The following DPP10 variants were observed in gnomAD, a reference collection of about 807,000 sequenced individuals.
DPP10 encodes inactive dipeptidyl peptidase 10.
DPP10 carries 33 observed loss-of-function variants against 120.9 expected under a neutral mutation model. The ratio of observed to expected loss-of-function variants is 0.27; its 90% CI spans 0.21 to 0.37. The LOEUF is 0.37. DPP10 is among the 10% of genes least tolerant of loss of function. The probability of loss-of-function intolerance (pLI) is 1.00; values close to 1 mark genes in which losing one functional copy is unlikely to be tolerated. For missense variants in DPP10, 816 were observed against 942.8 expected, an observed-to-expected ratio of 0.87 and a Z score of 1.76; for synonymous variants, 337 against 326.1, an observed-to-expected ratio of 1.03 and a Z score of -0.36.
At chr2:115,419,514 G>T (rs1448128650) in intron 3 of DPP10, among the ~76,000 whole-genome samples, 2 of 152,024 alleles carry the variant, frequency 1.3e-5, no homozygotes, top group Non-Finnish European at 2.9e-5. Context: ...ACTCTTTACT[G>T]CAGGGAAGGC....
chr2:115,831,284 A>C (rs1162965293), intron 21 of DPP10, among the ~76,000 whole-genome samples: 2 of 152,118 alleles, frequency 1.3e-5, no homozygotes, highest in African/African-American at 4.8e-5. Flanking sequence ...AGTCTTACTC[A>C]GTCGCCCAGG....
chr2:114,908,540 AG>A (rs1219823091), intron 1 of DPP10, among the ~76,000 whole-genome samples: 4 of 151,876 alleles, frequency 2.6e-5, no homozygotes, highest in Admixed American at 2.0e-4. Flanking sequence ...AATTCCAGTG[AG>A]CTGGATGAGT....
intron 1 of DPP10, among the ~76,000 whole-genome samples, chr2:114,662,436 A>G (rs1697493826): frequency 6.6e-6 from 1 of 152,182 alleles, no homozygotes; most frequent in African/African-American, 2.4e-5. Context: ...GAGTCCGCGG[A>G]GCGGGACGCC....
At chr2:115,221,183 G>T (rs1451973570) in intron 1 of DPP10, among the ~76,000 whole-genome samples, 1 of 151,998 alleles carries the variant, frequency 6.6e-6, no homozygotes, top group African/African-American at 2.4e-5. Context: ...AAGAAATTAA[G>T]ATTTTTTTCT....
intron 5 of DPP10, among the ~76,000 whole-genome samples, chr2:115,646,108 G>GCA (rs71394157): frequency 0.018 from 2,660 of 150,678 alleles, 27 homozygotes; most frequent in East Asian, 0.03. Flanking sequence ...GTGCGTGCGC[G>GCA]CACACACACA....
At chr2:114,985,106 C>G (rs1392998529) in intron 1 of DPP10, among the ~76,000 whole-genome samples, 1 of 152,216 alleles carries the variant, frequency 6.6e-6, no homozygotes, top group Non-Finnish European at 1.5e-5. Context: ...TTCTGCCTTT[C>G]TCTAACTCCA....
intron 3 of DPP10, among the ~76,000 whole-genome samples, chr2:115,499,143 G>A (rs1231441133): frequency 2.0e-5 from 3 of 152,096 alleles, no homozygotes; most frequent in African/African-American, 7.2e-5. Context: ...GCACTTTTAA[G>A]TTAAAATACT....
chr2:115,457,202 A>G (rs182613838), intron 3 of DPP10, among the ~76,000 whole-genome samples: 28 of 152,176 alleles, frequency 1.8e-4, no homozygotes, highest in Admixed American at 8.5e-4. Context: ...TGATAGGAAA[A>G]TTATATATCC....
chr2:114,537,659 A>G (rs1032187430), intron 1 of DPP10, among the ~76,000 whole-genome samples: 1 of 152,184 alleles, frequency 6.6e-6, no homozygotes, highest in African/African-American at 2.4e-5. Context: ...ATTCACTTCT[A>G]TTCCATCCCA....
intron 13 of DPP10, among the ~76,000 whole-genome samples, chr2:115,770,681 TAGCTAACAAAA>T (rs1449819012): frequency 1.3e-5 from 2 of 152,072 alleles, no homozygotes; most frequent in Non-Finnish European, 2.9e-5. Flanking sequence ...AATTTAAAAA[TAGCTAACAAAA>T]AAGCTATTTA....
chr2:115,513,497 G>A lies in DPP10; in HGVS notation c.367-12401G>A, dbSNP rs559568690. On this transcript the variant is annotated intron_variant, in intron 4 of 25. Coordinates refer to ENST00000410059, the MANE Select transcript of DPP10 (RefSeq NM_020868.6). ...ACTCCTTTTTTGTTAGATATTTTCT[G>A]CTGTATCTTTTATATTTGCTATTGT... 1.1e-4 allele frequency among the ~76,000 whole-genome samples: 16 copies of A among 151,578 alleles called. No homozygotes were observed. In the East Asian group the frequency reaches 3.1e-3, roughly 30 times the overall value.
At chr2:114,811,113 C>G (rs1232276142) in intron 1 of DPP10, among the ~76,000 whole-genome samples, 1 of 152,160 alleles carries the variant, frequency 6.6e-6, no homozygotes, top group East Asian at 1.9e-4. Flanking sequence ...CTGGAGTAAA[C>G]TTTCACAGGA....
chr2:115,840,318 G>GTTTTTTTTTTT (rs1559227733), intron 24 of DPP10, among the ~76,000 whole-genome samples: 15 of 31,884 alleles, frequency 4.7e-4, no homozygotes, highest in African/African-American at 1.5e-3. Flanking sequence ...AAGGTTTTTT[G>GTTTTTTTTTTT]GTTTTTTTTT....
At chr2:114,659,554 A>AT (rs1466567424) in intron 1 of DPP10, among the ~76,000 whole-genome samples, 3 of 151,650 alleles carry the variant, frequency 2.0e-5, no homozygotes, top group South Asian at 2.1e-4. Flanking sequence ...CAAATATTTG[A>AT]TTTTTTCAGA....
intron 21 of DPP10, among the ~76,000 whole-genome samples, chr2:115,832,325 CAAAT>C (rs1024723948): frequency 6.6e-6 from 1 of 152,046 alleles, no homozygotes; most frequent in Non-Finnish European, 1.5e-5. Context: ...CCTATCTGTA[CAAAT>C]AAATACAAAA....
intron 1 of DPP10, among the ~76,000 whole-genome samples, chr2:115,103,925 T>C (rs2048822436): frequency 6.6e-6 from 1 of 152,208 alleles, no homozygotes; most frequent in Non-Finnish European, 1.5e-5. Context: ...CTTTAATATT[T>C]GCATATACTG....
At chr2:114,695,476 C>G (rs1700017814) in intron 1 of DPP10, among the ~76,000 whole-genome samples, 1 of 152,006 alleles carries the variant, frequency 6.6e-6, no homozygotes, top group South Asian at 2.1e-4. Context: ...ACTTCACACA[C>G]AGATGTCCAT....
intron 1 of DPP10, among the ~76,000 whole-genome samples, chr2:114,574,913 A>G (rs1259404252): frequency 7.2e-5 from 11 of 152,154 alleles, no homozygotes; most frequent in Non-Finnish European, 8.8e-5. Context: ...TATGTGGGTT[A>G]TACCTGCTCT....
chr2:115,688,781 G>C (rs1478142418), intron 5 of DPP10, among the ~76,000 whole-genome samples: 1 of 152,080 alleles, frequency 6.6e-6, no homozygotes, highest in Admixed American at 6.5e-5. Context: ...TGGGTCATGA[G>C]TTCTGCAGTC....
Sources: gnomAD v4.1 joint callset for allele counts (sites outside exome capture counted in the v4.1 genomes callset) on GRCh38, gnomAD v4.1.1 for gene constraint, MANE v1.5 for transcripts, NCBI Gene and HGNC (gene_info 2026-07-23, HGNC 2026-07-21) for gene names.